PAH: variants seen among roughly 807,000 people sequenced by gnomAD.
PAH encodes the protein phenylalanine hydroxylase.
Under a neutral mutation model 62.0 loss-of-function variants are expected in PAH, and 64 were observed. That is an observed-to-expected ratio of 1.03 (90% CI 0.84 to 1.27). The LOEUF is 1.27. PAH is among the 50% of genes most tolerant of loss of function. PAH has a pLI of 0.00. For synonymous variants in PAH, 195 were observed against 196.2 expected (o/e 0.99, Z 0.05); for missense variants, 579 against 542.8 (o/e 1.07, Z -0.66).
rs78548265 is a variant in PAH at position 102,915,420 on chromosome 12, G to C, written c.60+1651C>G. ...GAGGCCACATAGGTAGTGGAGGCTG[G>C]TCAAGAACTCAGGCTCCTAATTATC... On this transcript the variant is annotated intron_variant, in intron 1 of 12. Transcript: ENST00000553106. Among the ~76,000 whole-genome samples the C allele has an allele frequency of 4.1e-4, 62 of 152,286 alleles. 2 individuals carry two copies. In the South Asian group the frequency reaches 0.013, roughly 31 times the overall value.
Position 102,844,553 on chromosome 12 carries a change from A to C in PAH, c.970-122T>G, listed in dbSNP as rs1874748005. On this transcript the variant is annotated intron_variant, in intron 9 of 12. Transcript: ENST00000553106. ...ATTATTTTGGGGTGTGTCTATGTCT[A>C]TGAGGGTGTTTCTGGAGGGGATTGG... 1.1e-5 allele frequency: 7 copies of C among 648,620 alleles called. No individual in the cohort carries two copies. The Admixed American group carries it at 1.3e-4, about 12-fold the overall frequency. The allele number at this position is 648,620 out of a possible 1,614,324, so 40.2% of individuals were successfully genotyped here.
intron 9 of PAH, among the ~76,000 whole-genome samples, chr12:102,846,507 T>G (rs1451628509): frequency 6.6e-6 from 1 of 152,174 alleles, no homozygotes; most frequent in South Asian, 2.1e-4. Context: ...TTCTCCCTCA[T>G]GTCTGAGAAA....
chr12:102,924,660 G>C (rs78933503), intron 1 of PAH, among the ~76,000 whole-genome samples: 1,966 of 152,178 alleles, frequency 0.013, 26 homozygotes, highest in Middle Eastern at 0.027. Context: ...TCCATGCCAA[G>C]GTAAAGATAA....
Position 102,866,988 on chromosome 12 carries a change from G to A in PAH, c.442-325C>T, listed in dbSNP as rs148513735. Among the ~76,000 whole-genome samples the A allele has an allele frequency of 4.3e-3, 657 of 152,334 alleles. 3 individuals carry two copies. Among genetic ancestry groups the A allele is most frequent in the Non-Finnish European group, 7.3e-3 (497 of 68,032 alleles). ...CAAAGTTCATAGGATGGATGTCTAT[G>A]ATGAAGATGTACAATATCCATTTAA... is the stretch of plus-strand genomic sequence containing the variant. On this transcript the variant is annotated intron_variant, in intron 4 of 12. Transcript: ENST00000553106.
intron 1 of PAH, among the ~76,000 whole-genome samples, chr12:102,949,578 C>T (rs1209945778): frequency 6.6e-6 from 1 of 152,118 alleles, no homozygotes; most frequent in East Asian, 1.9e-4. Context: ...AAGTGACTTG[C>T]CTTTTCATTG....
intron 1 of PAH, among the ~76,000 whole-genome samples, chr12:102,942,583 A>G (rs1407818305): frequency 6.6e-6 from 1 of 152,134 alleles, no homozygotes; most frequent in African/African-American, 2.4e-5. Context: ...TTCATATGAA[A>G]CCAAAAAAGA....
chr12:102,869,949 CAATT>C (rs939364717), intron 4 of PAH, among the ~76,000 whole-genome samples: 3 of 152,068 alleles, frequency 2.0e-5, no homozygotes, highest in Non-Finnish European at 4.4e-5. Flanking sequence ...CACCCTGTCT[CAATT>C]AAACTAATAG....
chr12:102,861,145 AC>A (rs1316282911), intron 5 of PAH, among the ~76,000 whole-genome samples: 2 of 152,238 alleles, frequency 1.3e-5, no homozygotes, highest in Admixed American at 6.5e-5. Flanking sequence ...CAAGAAAAAA[AC>A]AACCCCATCA....
intron 2 of PAH, among the ~76,000 whole-genome samples, chr12:102,901,392 A>T (rs1475077531): frequency 6.6e-6 from 1 of 152,210 alleles, no homozygotes; most frequent in Non-Finnish European, 1.5e-5. Context: ...ATGAGAGTTT[A>T]AAAAAGCAAA....
intron 1 of PAH, chr12:102,946,136 A>G (rs1445167055): frequency 2.0e-5 from 3 of 152,278 alleles, no homozygotes; most frequent in African/African-American, 7.2e-5. Context: ...TCAAGTTGCA[A>G]GACAAAGCCC....
At chr12:102,879,605 T>TA (rs1555206705) in intron 3 of PAH, among the ~76,000 whole-genome samples, 2 of 139,354 alleles carry the variant, frequency 1.4e-5, no homozygotes, top group South Asian at 2.4e-4. Context: ...ATTTTACCTG[T>TA]GGGGGGGGGG....
At chr12:102,949,073 C>A (rs1175801883) in intron 1 of PAH, among the ~76,000 whole-genome samples, 2 of 152,162 alleles carry the variant, frequency 1.3e-5, no homozygotes, top group Non-Finnish European at 2.9e-5. Context: ...ATTACAGCTT[C>A]TCGGGGTCCC....
At chr12:102,849,273 C>T (rs113948868) in intron 8 of PAH, among the ~76,000 whole-genome samples, 2,505 of 152,226 alleles carry the variant, frequency 0.016, 57 homozygotes, top group African/African-American at 0.056. Context: ...TTCCTATGAA[C>T]TGATAATAGA....
chr12:102,933,104 A>G (rs1592998027), intron 1 of PAH, among the ~76,000 whole-genome samples: 1 of 152,330 alleles, frequency 6.6e-6, no homozygotes, highest in East Asian at 1.9e-4. Flanking sequence ...TGTACCATTA[A>G]CCATCCACGC....
intron 1 of PAH, among the ~76,000 whole-genome samples, chr12:102,942,011 C>A (rs1336955066): frequency 6.6e-6 from 1 of 152,032 alleles, no homozygotes; most frequent in Non-Finnish European, 1.5e-5. Context: ...AGAACTGGAA[C>A]AAGACAAGGA....
At chr12:102,954,239 A>C (rs1252297138), upstream of PAH, among the ~76,000 whole-genome samples, 4 of 152,170 alleles carry the variant, frequency 2.6e-5, no homozygotes, top group African/African-American at 9.7e-5. Context: ...CCATCATCTT[A>C]ATATGCCAGT....
At chr12:102,896,763 A>AGGGTCC (rs1877522602) in intron 2 of PAH, among the ~76,000 whole-genome samples, 1 of 152,228 alleles carries the variant, frequency 6.6e-6, no homozygotes, top group South Asian at 2.1e-4. Flanking sequence ...GTGGCTAAAT[A>AGGGTCC]AAGAGAATTT....
intron 4 of PAH, among the ~76,000 whole-genome samples, chr12:102,874,259 A>G (rs1424128723): frequency 6.6e-6 from 1 of 152,178 alleles, no homozygotes; most frequent in East Asian, 1.9e-4. Context: ...AGGGGAGTAA[A>G]TTTTGGAAAT....
chr12:102,945,040 T>C (rs1879438942), intron 1 of PAH: 1 of 152,244 alleles, frequency 6.6e-6, no homozygotes, highest in Admixed American at 6.5e-5. Flanking sequence ...ACCTTGGTGG[T>C]GTTGGATAAG....
Sources: allele counts gnomAD v4.1 joint callset (sites outside exome capture counted in the v4.1 genomes callset), GRCh38; gene constraint gnomAD v4.1.1; transcripts MANE v1.5; gene names NCBI Gene and HGNC (gene_info 2026-07-23, HGNC 2026-07-21).